Variants in EGFLAM observed in about 807,000 individuals in gnomAD.
The protein encoded by EGFLAM is pikachurin.
In EGFLAM, 79 loss-of-function variants were observed where a neutral mutation model predicts 113.1. That is an observed-to-expected ratio of 0.70 (90% CI 0.58 to 0.84). EGFLAM has a LOEUF of 0.84. Ranked by LOEUF, EGFLAM falls within the 40% of genes least tolerant of loss-of-function variation. EGFLAM has a pLI of 0.00. For missense variants in EGFLAM, 1,265 were observed against 1,291.6 expected, an observed-to-expected ratio of 0.98 and a Z score of 0.32; for synonymous variants, 504 against 487.6, an observed-to-expected ratio of 1.03 and a Z score of -0.44.
At chr5:38,301,668 CAT>C (rs2111828105) in intron 1 of EGFLAM, among the ~76,000 whole-genome samples, 1 of 152,042 alleles carries the variant, frequency 6.6e-6, no homozygotes, top group East Asian at 1.9e-4. Context: ...CTAGGGTTAA[CAT>C]AGAAATCCAA....
chr5:38,381,278 A>C (rs574639624), intron 6 of EGFLAM, among the ~76,000 whole-genome samples: 82 of 152,210 alleles, frequency 5.4e-4, no homozygotes, highest in South Asian at 1.5e-3. Flanking sequence ...TAAATTCTTG[A>C]ATCGTTTCAG....
chr5:38,270,913 C>T (rs925108010), intron 1 of EGFLAM, among the ~76,000 whole-genome samples: 1 of 152,010 alleles, frequency 6.6e-6, no homozygotes, highest in Non-Finnish European at 1.5e-5. Flanking sequence ...TTTATTGTAA[C>T]CCCAAATATT....
intron 6 of EGFLAM, among the ~76,000 whole-genome samples, chr5:38,380,567 G>A (rs1275043511): frequency 6.6e-6 from 1 of 152,210 alleles, no homozygotes; most frequent in East Asian, 1.9e-4. Flanking sequence ...ATGAAAAAGG[G>A]AACAGTAGGA....
At chr5:38,451,981 G>C (rs1219664385) in intron 19 of EGFLAM, among the ~76,000 whole-genome samples, 27 of 107,224 alleles carry the variant, frequency 2.5e-4, no homozygotes, top group African/African-American at 1.1e-3. Flanking sequence ...GACAGAGCAA[G>C]ACTCCATCTC....
chr5:38,292,019 T>C (rs1429819110), intron 1 of EGFLAM, among the ~76,000 whole-genome samples: 1 of 152,170 alleles, frequency 6.6e-6, no homozygotes, highest in East Asian at 1.9e-4. Context: ...TCTAACATGG[T>C]AACCCCAACC....
intron 1 of EGFLAM, among the ~76,000 whole-genome samples, chr5:38,269,368 G>C (rs757013515): frequency 6.6e-6 from 1 of 152,078 alleles, no homozygotes; most frequent in Non-Finnish European, 1.5e-5. Context: ...AGTAAGGGTT[G>C]CTTCTTAAAT....
chr5:38,439,386 T>TAAA (rs3214563), intron 17 of EGFLAM, among the ~76,000 whole-genome samples: 4 of 133,140 alleles, frequency 3.0e-5, no homozygotes, highest in African/African-American at 1.1e-4. Context: ...CCCAGGAACT[T>TAAA]AAAAAAAAAA....
intron 6 of EGFLAM, chr5:38,403,423 A>G (rs1202330234): frequency 6.4e-6 from 1 of 155,708 alleles, no homozygotes; most frequent in African/African-American, 2.4e-5. Flanking sequence ...GATGCACTTC[A>G]TGGCTTCTCT....
At chr5:38,369,107 A>G (rs1343513802) in intron 5 of EGFLAM, among the ~76,000 whole-genome samples, 2 of 152,152 alleles carry the variant, frequency 1.3e-5, no homozygotes, top group South Asian at 2.1e-4. Context: ...CCCTCCAGCT[A>G]GGATGTCCAC....
intron 6 of EGFLAM, chr5:38,403,528 T>C (rs547863232): frequency 7.1e-6 from 2 of 282,916 alleles, no homozygotes; most frequent in African/African-American, 2.1e-5. Context: ...TTCGATACCA[T>C]GACAGTGAAT....
intron 11 of EGFLAM, among the ~76,000 whole-genome samples, chr5:38,415,160 G>A (rs1177190430): frequency 1.3e-5 from 2 of 149,266 alleles, no homozygotes; most frequent in Admixed American, 6.7e-5. Context: ...TCAGGAGTTC[G>A]AGACCAGCCT....
chr5:38,394,558 C>T (rs538269005), intron 6 of EGFLAM, among the ~76,000 whole-genome samples: 110 of 151,594 alleles, frequency 7.3e-4, no homozygotes, highest in Non-Finnish European at 1.4e-3. Flanking sequence ...TACAGGCACC[C>T]GCCACCACGC....
At chr5:38,303,947 C>A (rs1289541924) in intron 1 of EGFLAM, among the ~76,000 whole-genome samples, 2 of 151,532 alleles carry the variant, frequency 1.3e-5, no homozygotes, top group Admixed American at 6.6e-5. Context: ...ACCAGCCTGG[C>A]CAATATGGTG....
intron 11 of EGFLAM, among the ~76,000 whole-genome samples, chr5:38,413,815 G>A (rs1006312096): frequency 6.6e-5 from 10 of 152,290 alleles, no homozygotes; most frequent in Admixed American, 4.6e-4. Context: ...ATTTTTCCAC[G>A]GACCAAAGTT....
chr5:38,262,648 T>C (rs781529735), intron 1 of EGFLAM, among the ~76,000 whole-genome samples: 2 of 152,230 alleles, frequency 1.3e-5, no homozygotes, highest in Non-Finnish European at 2.9e-5. Flanking sequence ...TTTGCATATA[T>C]TGGAAGTTTG....
chr5:38,311,377 G>A (rs1034884924), intron 1 of EGFLAM, among the ~76,000 whole-genome samples: 5 of 152,024 alleles, frequency 3.3e-5, no homozygotes, highest in Non-Finnish European at 7.4e-5. Flanking sequence ...CCTGGTAACC[G>A]CCATTCTACT....
At chr5:38,427,454 C>T (rs1465202645) in intron 14 of EGFLAM, 2 of 757,360 alleles carry the variant, frequency 2.6e-6, no homozygotes, top group East Asian at 2.9e-5. Context: ...CACAAGGCTT[C>T]CTTTTCTCAA....
At chr5:38,372,880 A>G (rs937015687) in intron 6 of EGFLAM, among the ~76,000 whole-genome samples, 34 of 152,184 alleles carry the variant, frequency 2.2e-4, no homozygotes, top group African/African-American at 8.0e-4. Flanking sequence ...CCTTTATTCT[A>G]GGATACATTT....
chr5:38,338,174 C>T lies in EGFLAM; in HGVS notation c.208-524C>T, dbSNP rs781050820. 6.2e-4 allele frequency among the ~76,000 whole-genome samples: 94 copies of T among 152,150 alleles called. 1 individual carries two copies. The highest frequency in any genetic ancestry group is 5.6e-4 in the Non-Finnish European group (38 of 68,032). ...ATAATTGTTTGGAGTTGTGCACTCT[C>T]TGGGATATGGGGAGAGCTGGCCACA... On this transcript the variant is annotated intron_variant, in intron 2 of 21. Coordinates refer to ENST00000322350, the MANE Select transcript of EGFLAM (RefSeq NM_152403.4).
Sources: allele counts gnomAD v4.1 joint callset (sites outside exome capture counted in the v4.1 genomes callset), GRCh38; gene constraint gnomAD v4.1.1; transcripts MANE v1.5; gene names NCBI Gene and HGNC (gene_info 2026-07-23, HGNC 2026-07-21).